GNAL: variants seen among roughly 807,000 people sequenced by gnomAD.
The protein encoded by GNAL is G protein subunit alpha L.
Under a neutral mutation model 55.1 loss-of-function variants are expected in GNAL, and 18 were observed. The ratio of observed to expected loss-of-function variants is 0.33; its 90% CI spans 0.23 to 0.48. The LOEUF (loss-of-function observed/expected upper bound fraction) is 0.48. GNAL is among the 20% of genes least tolerant of loss of function. The pLI, the probability that GNAL is intolerant of heterozygous loss-of-function variation, is 0.99. For synonymous variants in GNAL, 253 were observed against 237.0 expected (o/e 1.07, Z -0.62); for missense variants, 412 against 614.1 (o/e 0.67, Z 3.48).
intron 10 of GNAL, among the ~76,000 whole-genome samples, chr18:11,873,733 C>A (rs552479003): frequency 6.4e-4 from 98 of 152,384 alleles, no homozygotes; most frequent in Non-Finnish European, 1.0e-3. Flanking sequence ...AGCATGGCTT[C>A]TGCTGCGCTT....
Position 11,885,396 on chromosome 18 carries a change from C to CAG in GNAL, c.*4264_*4265dup, listed in dbSNP as rs1255273973. The CAG allele has an allele frequency of 2.4e-6, 1 of 424,768 alleles. No individual in the cohort carries two copies. The highest frequency in any genetic ancestry group is 2.0e-5 in the African/African-American group (1 of 49,798). The allele number at this position is 424,768 out of a possible 1,614,324, so 26.3% of individuals were successfully genotyped here. A position where few individuals can be genotyped will look rare whatever the true frequency, so the allele number is the denominator to read the frequency against. On this transcript the variant is annotated 3_prime_UTR_variant, in exon 12 of 12. Coordinates refer to ENST00000334049, the MANE Select transcript of GNAL (RefSeq NM_182978.4). ...GTTTCTTTAGAAAATTAAACACACA[C>CAG]AGAGTGTAAGAGGAGAGGATACGGC...
intron 8 of GNAL, 31 bp downstream of exon 8, chr18:11,867,257 G>A (rs1370567790): frequency 7.3e-7 from 1 of 1,378,014 alleles, no homozygotes; most frequent in South Asian, 1.2e-5. Context: ...CAAGAAAATA[G>A]GAGTGAATTC....
Position 11,752,406 on chromosome 18 carries a change from T to G in GNAL, c.377-447T>G. 1.3e-6 allele frequency: 2 copies of G among 1,594,794 alleles called. No homozygotes were observed. Among genetic ancestry groups the G allele is most frequent in the Non-Finnish European group, 1.7e-6 (2 of 1,172,822 alleles). ...ATTGCTTTTTGCGCACATTCCTAAC[T>G]TCCTGACGTCCATCCCAGCGGGCAG... On this transcript the variant is annotated intron_variant, in intron 1 of 11. Coordinates refer to ENST00000334049, the MANE Select transcript of GNAL (RefSeq NM_182978.4). The surrounding 1 kb of genome is among the most constrained non-coding windows in gnomAD (Gnocchi z 4.5).
At chr18:11,867,504 C>T (rs894582035) in intron 8 of GNAL, among the ~76,000 whole-genome samples, 1 of 151,978 alleles carries the variant, frequency 6.6e-6, no homozygotes, top group African/African-American at 2.4e-5. Flanking sequence ...CATGTCGAAA[C>T]TGGGGCTCTG....
At chr18:11,852,830 T>A (rs2035912620) in intron 5 of GNAL, 1 of 167,014 alleles carries the variant, frequency 6.0e-6, no homozygotes, top group Non-Finnish European at 1.5e-5. Flanking sequence ...TCTGGAAAAA[T>A]TAAATTTGTT....
At chr18:11,870,394 G>A (rs567301738) in intron 9 of GNAL, among the ~76,000 whole-genome samples, 15 of 152,206 alleles carry the variant, frequency 9.9e-5, no homozygotes, top group Admixed American at 8.5e-4. Flanking sequence ...GGTGGTGGGC[G>A]CCTGTAATCC....
chr18:11,877,864 G>C (rs1029118444), intron 11 of GNAL, among the ~76,000 whole-genome samples: 3 of 152,208 alleles, frequency 2.0e-5, no homozygotes, highest in Admixed American at 2.0e-4. Flanking sequence ...CAGAGGACAA[G>C]AGTTCCCCCA....
intron 8 of GNAL, 50 bp downstream of exon 8, chr18:11,867,276 A>G (rs1367691564): frequency 1.9e-6 from 2 of 1,067,340 alleles, no homozygotes; most frequent in African/African-American, 1.5e-5. Context: ...TCTAACACTC[A>G]GCACTGCTGT....
At chr18:11,773,295 C>G (rs2033687325) in intron 4 of GNAL, among the ~76,000 whole-genome samples, 1 of 152,224 alleles carries the variant, frequency 6.6e-6, no homozygotes, top group African/African-American at 2.4e-5. Context: ...GAAGTTAGAG[C>G]AGTCTGTTTA....
chr18:11,740,767 T>C (rs925156593), intron 1 of GNAL, among the ~76,000 whole-genome samples: 2 of 152,260 alleles, frequency 1.3e-5, no homozygotes, highest in Admixed American at 1.3e-4. Flanking sequence ...CCCTTTTGAA[T>C]GTCAGTCTCA....
chr18:11,774,856 T>C (rs2033734875), intron 4 of GNAL, among the ~76,000 whole-genome samples: 1 of 152,172 alleles, frequency 6.6e-6, no homozygotes, highest in African/African-American at 2.4e-5. Context: ...AGAGTTTAGG[T>C]CGATAGACAT....
In GNAL at chr18:11,723,081, G is replaced by A. The variant is rs192760960; in HGVS notation, c.377-29772G>A. Among the ~76,000 whole-genome samples, 16 of 151,824 alleles carry A rather than the reference G, an allele frequency of 1.1e-4. No individual in the cohort carries two copies. The East Asian group carries it at 2.9e-3, about 28-fold the overall frequency. ...TGCCTGTAATCCCAGCTACTCCAGA[G>A]GCTAAGGCAGGAGAATCACTTGAAC... On this transcript the variant is annotated intron_variant, in intron 1 of 11. Transcript: ENST00000334049.
chr18:11,801,705 A>G (rs1169951199), intron 4 of GNAL, among the ~76,000 whole-genome samples: 1 of 148,124 alleles, frequency 6.8e-6, no homozygotes, highest in African/African-American at 2.6e-5. Context: ...ATTTGGATCC[A>G]GTTTGAAAGT....
At chr18:11,696,760 C>T (rs2143299596) in intron 1 of GNAL, among the ~76,000 whole-genome samples, 1 of 152,314 alleles carries the variant, frequency 6.6e-6, no homozygotes, top group East Asian at 1.9e-4. Flanking sequence ...TTGGACTTGT[C>T]AACCCTCTCG....
intron 4 of GNAL, among the ~76,000 whole-genome samples, chr18:11,791,874 G>A (rs2034248035): frequency 6.6e-6 from 1 of 151,950 alleles, no homozygotes; most frequent in Non-Finnish European, 1.5e-5. Context: ...CACATCCATA[G>A]TGCAGCACTG....
chr18:11,842,398 A>C (rs2035637545), intron 5 of GNAL, among the ~76,000 whole-genome samples: 1 of 152,130 alleles, frequency 6.6e-6, no homozygotes, highest in Non-Finnish European at 1.5e-5. Flanking sequence ...GGATGGTTTC[A>C]AGATGAATCC....
Position 11,752,591 on chromosome 18 carries a change from G to A in GNAL, c.377-262G>A. Reference sequence around the variant, plus strand: ...CTGCTGCTCCTGGGTAAGGCCGAGGGGCGCGCGGCGGCTCCCGGCCCCAGC... The same window carrying A: ...CTGCTGCTCCTGGGTAAGGCCGAGGAGCGCGCGGCGGCTCCCGGCCCCAGC... On this transcript the variant is annotated intron_variant, in intron 1 of 11. Coordinates refer to ENST00000334049, the MANE Select transcript of GNAL (RefSeq NM_182978.4). This position sits in a 1 kb window ranked among gnomAD's most constrained non-coding sequence, Gnocchi z 4.5. 4.4e-6 allele frequency: 7 copies of A among 1,585,582 alleles called. No homozygotes were observed. Among genetic ancestry groups the A allele is most frequent in the Non-Finnish European group, 6.0e-6 (7 of 1,169,836 alleles).
intron 1 of GNAL, among the ~76,000 whole-genome samples, chr18:11,697,498 T>C (rs2031447604): frequency 6.6e-6 from 1 of 151,006 alleles, no homozygotes; most frequent in Non-Finnish European, 1.5e-5. Flanking sequence ...GCGGAGTTTG[T>C]AGTGGGTTGA....
Position 11,881,511 on chromosome 18 carries a change from C to T in GNAL, c.*376C>T, listed in dbSNP as rs997726013. On this transcript the variant is annotated 3_prime_UTR_variant, in exon 12 of 12. Transcript: ENST00000334049. The surrounding 1 kb of genome is among the most constrained non-coding windows in gnomAD (Gnocchi z 4.8). ...TATCAACCGTGACTGCAAGAGCGTTCGTGCAGTGCCCTGAGCCACGGCCGT... is the reference window on the plus strand; with the variant it reads ...TATCAACCGTGACTGCAAGAGCGTTTGTGCAGTGCCCTGAGCCACGGCCGT... The T allele has an allele frequency of 4.0e-5, 3 of 74,842 alleles. No homozygotes were observed. In the East Asian group the frequency reaches 5.5e-4, roughly 14 times the overall value. 4.6% of individuals were successfully genotyped at this position (74,842 alleles called of 1,614,324 possible). A position where few individuals can be genotyped will look rare whatever the true frequency, so the allele number is the denominator to read the frequency against.
Sources: gnomAD v4.1 joint callset for allele counts (sites outside exome capture counted in the v4.1 genomes callset) on GRCh38, gnomAD v4.1.1 for gene constraint, Gnocchi (gnomAD v3.1) non-coding constraint, MANE v1.5 for transcripts, NCBI Gene and HGNC (gene_info 2026-07-23, HGNC 2026-07-21) for gene names.